The following SHISA6 variants were observed in gnomAD, a reference collection of about 807,000 sequenced individuals.
SHISA6 encodes the protein protein shisa-6.
In SHISA6, 22 loss-of-function variants were observed where a neutral mutation model predicts 47.9. The ratio of observed to expected loss-of-function variants is 0.46; its 90% CI spans 0.33 to 0.66. SHISA6 has a LOEUF of 0.66. SHISA6 is among the 30% of genes least tolerant of loss of function. SHISA6 has a pLI of 0.02. For missense variants in SHISA6, 680 were observed against 764.6 expected (o/e 0.89, Z 1.30); for synonymous variants, 388 against 337.8 (o/e 1.15, Z -1.63).
At chr17:11,470,384 T>C (rs970599006) in intron 3 of SHISA6, among the ~76,000 whole-genome samples, 2 of 152,214 alleles carry the variant, frequency 1.3e-5, no homozygotes, top group East Asian at 1.9e-4. Flanking sequence ...GGAGCATCTC[T>C]AGGGAGAATT....
intron 3 of SHISA6, among the ~76,000 whole-genome samples, chr17:11,411,399 TTTTG>T (rs757144735): frequency 1.4e-4 from 22 of 152,080 alleles, no homozygotes; most frequent in Non-Finnish European, 1.9e-4. Context: ...AAAATCACTT[TTTTG>T]TTTGTTTGTT....
chr17:11,294,612 C>A (rs1909679111), intron 2 of SHISA6, among the ~76,000 whole-genome samples: 1 of 152,206 alleles, frequency 6.6e-6, no homozygotes. Context: ...TATTTTTCTA[C>A]TGTTGATAAC....
At chr17:11,309,251 C>T (rs1301505245) in intron 2 of SHISA6, among the ~76,000 whole-genome samples, 1 of 152,218 alleles carries the variant, frequency 6.6e-6, no homozygotes, top group Non-Finnish European at 1.5e-5. Flanking sequence ...AGGCTCAAGC[C>T]AACACGCCCC....
intron 2 of SHISA6, among the ~76,000 whole-genome samples, chr17:11,275,728 T>G (rs536370219): frequency 1.3e-5 from 2 of 152,164 alleles, no homozygotes; most frequent in African/African-American, 2.4e-5. Context: ...AAAGGGTGTT[T>G]AGGGCAGAAG....
intron 3 of SHISA6, among the ~76,000 whole-genome samples, chr17:11,540,018 C>T (rs1269855403): frequency 1.3e-5 from 2 of 152,162 alleles, no homozygotes; most frequent in Admixed American, 6.5e-5. Context: ...CTTTGCTATT[C>T]GGTGTACGTC....
chr17:11,462,175 C>G (rs1051333024), intron 3 of SHISA6, among the ~76,000 whole-genome samples: 2 of 152,164 alleles, frequency 1.3e-5, no homozygotes, highest in African/African-American at 4.8e-5. Flanking sequence ...TTTCCCTCCC[C>G]CTCTTGCTTC....
At chr17:11,549,196 G>C (rs2142385561) in intron 3 of SHISA6, among the ~76,000 whole-genome samples, 1 of 152,228 alleles carries the variant, frequency 6.6e-6, no homozygotes, top group South Asian at 2.1e-4. Flanking sequence ...GTGTATGTAA[G>C]CACTCATATA....
chr17:11,455,168 CA>C (rs1282059987), intron 3 of SHISA6, among the ~76,000 whole-genome samples: 1 of 150,088 alleles, frequency 6.7e-6, no homozygotes, highest in East Asian at 2.0e-4. Context: ...GACTCTGTCT[CA>C]AAAAAACAAA....
At chr17:11,310,251 C>A (rs1289520033) in intron 2 of SHISA6, among the ~76,000 whole-genome samples, 2 of 152,212 alleles carry the variant, frequency 1.3e-5, no homozygotes, top group African/African-American at 4.8e-5. Flanking sequence ...AGGGTTGAGA[C>A]TACCAGAATG....
intron 3 of SHISA6, among the ~76,000 whole-genome samples, chr17:11,510,383 C>T (rs540290709): frequency 1.2e-3 from 184 of 152,234 alleles, no homozygotes; most frequent in African/African-American, 4.4e-3. Context: ...TAGCCTGTAT[C>T]GTTGCTTCAG....
intron 3 of SHISA6, among the ~76,000 whole-genome samples, chr17:11,483,194 G>A (rs540354707): frequency 2.4e-4 from 37 of 151,970 alleles, no homozygotes; most frequent in Middle Eastern, 6.9e-3. Context: ...CCAGCTACTC[G>A]GAAGGCTGAG....
rs144844230 is a variant in SHISA6, at chr17:11,513,100, G to A, written c.896-38796G>A. Among the ~76,000 whole-genome samples the A allele has an allele frequency of 4.3e-3, 651 of 151,268 alleles. 7 individuals are homozygous for A. The highest frequency in any genetic ancestry group is 0.014 in the African/African-American group (574 of 41,262). On this transcript the variant is annotated intron_variant, in intron 3 of 5. Coordinates refer to ENST00000441885, the MANE Select transcript of SHISA6 (RefSeq NM_207386.4). ...TGTATGAGTACCTATTTTTCTTTCC[G>A]TTTCCCAAGAAGCATGTGCTATTTT...
At chr17:11,534,157 CTTTTTTTTTTTTTT>C (rs373384700) in intron 3 of SHISA6, among the ~76,000 whole-genome samples, 10 of 93,218 alleles carry the variant, frequency 1.1e-4, no homozygotes, top group African/African-American at 3.9e-4. Context: ...TCTTTTTTTT[CTTTTTTTTTTTTTT>C]TTTTTTGTAT....
At chr17:11,440,557 G>C (rs1915067848) in intron 3 of SHISA6, among the ~76,000 whole-genome samples, 1 of 150,446 alleles carries the variant, frequency 6.6e-6, no homozygotes, top group Non-Finnish European at 1.5e-5. Flanking sequence ...TCTATCACTT[G>C]CCTGTCCCAC....
At chr17:11,354,486 C>T (rs205067) in intron 2 of SHISA6, among the ~76,000 whole-genome samples, 48,231 of 152,060 alleles carry the variant, frequency 0.32, 8,157 homozygotes, top group East Asian at 0.53. Context: ...AGGGACCCTC[C>T]GACCTCATGT....
chr17:11,296,792 G>A (rs140115643), intron 2 of SHISA6, among the ~76,000 whole-genome samples: 116 of 152,206 alleles, frequency 7.6e-4, no homozygotes, highest in African/African-American at 2.7e-3. Context: ...CGTGGGAAGA[G>A]CCCCAGGTAG....
chr17:11,506,119 T>C (rs1407178907), intron 3 of SHISA6, among the ~76,000 whole-genome samples: 4 of 152,250 alleles, frequency 2.6e-5, no homozygotes, highest in Non-Finnish European at 4.4e-5. Flanking sequence ...AAGTGAAACG[T>C]TGATATTCAT....
At chr17:11,274,350 G>C (rs1214083358) in intron 2 of SHISA6, among the ~76,000 whole-genome samples, 1 of 152,204 alleles carries the variant, frequency 6.6e-6, no homozygotes, top group Non-Finnish European at 1.5e-5. Flanking sequence ...GCCAAAGCAC[G>C]GAGGACAGGG....
At chr17:11,350,381 C>A (rs528887741) in intron 2 of SHISA6, among the ~76,000 whole-genome samples, 16 of 148,188 alleles carry the variant, frequency 1.1e-4, no homozygotes, top group Admixed American at 4.8e-4. Context: ...GGGGTTTCAC[C>A]GTGTTGGCAA....
Sources: gnomAD v4.1 joint callset for allele counts (sites outside exome capture counted in the v4.1 genomes callset) on GRCh38, gnomAD v4.1.1 for gene constraint, MANE v1.5 for transcripts, NCBI Gene and HGNC (gene_info 2026-07-23, HGNC 2026-07-21) for gene names.